USH2A: variants seen among roughly 807,000 people sequenced by gnomAD.
USH2A encodes the protein Usher syndrome 2A (autosomal recessive, mild).
USH2A carries 443 observed loss-of-function variants against 538.9 expected under a neutral mutation model. The ratio of observed to expected loss-of-function variants is 0.82; its 90% CI spans 0.76 to 0.89. USH2A has a LOEUF of 0.89. Among genes scored for constraint, USH2A ranks in the 40% least tolerant of loss-of-function variants. USH2A has a pLI of 0.00. For synonymous variants in USH2A, 2,413 were observed against 2,273.5 expected, an observed-to-expected ratio of 1.06 and a Z score of -1.75; for missense variants, 6,633 against 6,324.8, an observed-to-expected ratio of 1.05 and a Z score of -1.65.
At chr1:216,053,711 T>C (rs952479788) in intron 30 of USH2A, among the ~76,000 whole-genome samples, 1 of 152,174 alleles carries the variant, frequency 6.6e-6, no homozygotes, top group Non-Finnish European at 1.5e-5. Flanking sequence ...TTAAAATCAT[T>C]GGCACCAGCA....
chr1:215,751,020 G>C (rs543779687), intron 58 of USH2A, among the ~76,000 whole-genome samples: 1 of 152,142 alleles, frequency 6.6e-6, no homozygotes, highest in East Asian at 1.9e-4. Flanking sequence ...CTTGTCATTT[G>C]GTTATTGCAT....
intron 61 of USH2A, among the ~76,000 whole-genome samples, chr1:215,686,643 T>A (rs1411835393): frequency 6.6e-6 from 1 of 152,074 alleles, no homozygotes; most frequent in Non-Finnish European, 1.5e-5. Flanking sequence ...AGCTCTGCAA[T>A]GCAATTTGAA....
chr1:215,936,215 C>T (rs1558170267), intron 37 of USH2A, among the ~76,000 whole-genome samples: 1 of 152,066 alleles, frequency 6.6e-6, no homozygotes, highest in East Asian at 1.9e-4. Context: ...GGCAAGATCT[C>T]CAGATACTGA....
intron 2 of USH2A, among the ~76,000 whole-genome samples, chr1:216,420,436 G>A (rs1344680417): frequency 6.6e-6 from 1 of 151,876 alleles, no homozygotes; most frequent in African/African-American, 2.4e-5. Flanking sequence ...TCCATGTTTT[G>A]TTTGTTTTAC....
At chr1:215,780,905 T>C (rs1025313219) in intron 54 of USH2A, among the ~76,000 whole-genome samples, 5 of 152,250 alleles carry the variant, frequency 3.3e-5, no homozygotes, top group African/African-American at 1.2e-4. Context: ...TCTTGCACAG[T>C]GTGCAAAGAT....
intron 22 of USH2A, among the ~76,000 whole-genome samples, chr1:216,094,168 G>A (rs2102570019): frequency 6.6e-6 from 1 of 152,098 alleles, no homozygotes; most frequent in South Asian, 2.1e-4. Context: ...CTATTTTACT[G>A]TACTCTCCCC....
At chr1:215,735,764 T>C (rs1660139263) in intron 60 of USH2A, among the ~76,000 whole-genome samples, 1 of 152,148 alleles carries the variant, frequency 6.6e-6, no homozygotes, top group Non-Finnish European at 1.5e-5. Context: ...AGGCATACTG[T>C]TATGCAAGCT....
In USH2A at chr1:215,641,937, CATTG is replaced by C. The variant is rs1337477773; in HGVS notation, c.14792-1207_14792-1204del. ...TCTTTAAATCTCAATGCTTTTCCAA[CATTG>C]ATTCTGCCTGATATCACAAGGAATA... On this transcript the variant is annotated intron_variant, in intron 67 of 71. Transcript: ENST00000307340. Among the ~76,000 whole-genome samples, 27 of 152,182 alleles carry C rather than the reference CATTG, an allele frequency of 1.8e-4. 1 individual carries two copies. Among genetic ancestry groups the C allele is most frequent in the Non-Finnish European group, 2.9e-5 (2 of 68,014 alleles).
At chr1:215,816,906 C>A (rs1662872835) in intron 48 of USH2A, 91 bp downstream of exon 48, 2 of 1,331,210 alleles carry the variant, frequency 1.5e-6, no homozygotes, top group Non-Finnish European at 2.2e-6. Context: ...AAATATTGAT[C>A]ATAATACATC....
At chr1:216,103,168 G>C (rs2032634715) in intron 21 of USH2A, among the ~76,000 whole-genome samples, 1 of 152,206 alleles carries the variant, frequency 6.6e-6, no homozygotes, top group South Asian at 2.1e-4. Context: ...ATCCTGGCTG[G>C]GATTTAGAAA....
chr1:215,774,735 C>A (rs574307019), intron 55 of USH2A, among the ~76,000 whole-genome samples: 24 of 151,854 alleles, frequency 1.6e-4, no homozygotes, highest in African/African-American at 5.6e-4. Flanking sequence ...ACTGGAGTGA[C>A]AAAACAGAAC....
At chr1:215,923,207 A>T (rs10864215) in intron 38 of USH2A, among the ~76,000 whole-genome samples, 2 of 151,778 alleles carry the variant, frequency 1.3e-5, no homozygotes, top group African/African-American at 4.8e-5. Context: ...AACACAACAC[A>T]TAGAGGCTTA....
At chr1:215,936,111 T>C (rs986406605) in intron 37 of USH2A, among the ~76,000 whole-genome samples, 2 of 152,044 alleles carry the variant, frequency 1.3e-5, no homozygotes, top group African/African-American at 4.8e-5. Context: ...TTATTATATG[T>C]ACATTCAATC....
chr1:216,422,559 G>A lies in USH2A; in HGVS notation c.-204-19C>T, dbSNP rs1224224920. ...CTGGTATCTGGGAATCAAAAACGTAGGGCGTCAAGGGAAAGCTGCTGCACC... is the reference window on the plus strand; with the variant it reads ...CTGGTATCTGGGAATCAAAAACGTAAGGCGTCAAGGGAAAGCTGCTGCACC... On this transcript the variant is annotated intron_variant, in intron 1 of 71. Transcript: ENST00000307340. The A allele has an allele frequency of 1.2e-5, 7 of 563,006 alleles. No homozygotes were observed. The East Asian group carries it at 2.0e-4, about 16-fold the overall frequency. The allele number at this position is 563,006 out of a possible 1,614,324, so 34.9% of individuals were successfully genotyped here. A position where few individuals can be genotyped will look rare whatever the true frequency, so the allele number is the denominator to read the frequency against.
chr1:215,687,026 G>A (rs1291045579), intron 61 of USH2A, among the ~76,000 whole-genome samples: 1 of 151,940 alleles, frequency 6.6e-6, no homozygotes, highest in Admixed American at 6.6e-5. Context: ...CTGATACTGG[G>A]GACATGTTTG....
chr1:215,705,105 T>A (rs1012658693), intron 61 of USH2A, among the ~76,000 whole-genome samples: 1 of 152,222 alleles, frequency 6.6e-6, no homozygotes, highest in African/African-American at 2.4e-5. Flanking sequence ...CAGGATTTCA[T>A]CTATTTAAAC....
chr1:215,843,783 G>T (rs1290693087), intron 46 of USH2A, among the ~76,000 whole-genome samples: 3 of 152,106 alleles, frequency 2.0e-5, no homozygotes, highest in South Asian at 4.1e-4. Flanking sequence ...TCTTCCTGTT[G>T]CATTCAGAAT....
intron 38 of USH2A, among the ~76,000 whole-genome samples, chr1:215,929,609 A>G (rs1666315376): frequency 6.6e-6 from 1 of 152,070 alleles, no homozygotes; most frequent in African/African-American, 2.4e-5. Flanking sequence ...CTTAGTAGGA[A>G]AATAGAACAA....
At chr1:216,147,357 C>A (rs374712099) in intron 21 of USH2A, among the ~76,000 whole-genome samples, 14 of 152,146 alleles carry the variant, frequency 9.2e-5, no homozygotes, top group Admixed American at 5.9e-4. Flanking sequence ...AGCCCTCCCC[C>A]ACCTGCCCAG....
Sources: allele counts gnomAD v4.1 joint callset (sites outside exome capture counted in the v4.1 genomes callset), GRCh38; gene constraint gnomAD v4.1.1; transcripts MANE v1.5; gene names NCBI Gene and HGNC (gene_info 2026-07-23, HGNC 2026-07-21).